Variants in SULF1 observed in about 807,000 individuals in gnomAD.
SULF1 encodes sulfatase 1, also known as extracellular sulfatase Sulf-1.
In SULF1, 46 loss-of-function variants were observed where a neutral mutation model predicts 110.5. The ratio of observed to expected loss-of-function variants is 0.42; its 90% confidence interval spans 0.33 to 0.53. The LOEUF (loss-of-function observed/expected upper bound fraction) is 0.53, where lower values mean the gene tolerates loss of function less well. Among genes scored for constraint, SULF1 ranks in the 20% least tolerant of loss-of-function variants. SULF1 has a pLI of 0.12. For missense variants in SULF1, 941 were observed against 1,094.2 expected (o/e 0.86, Z 1.98); for synonymous variants, 371 against 387.1 (o/e 0.96, Z 0.49).
intron 3 of SULF1, among the ~76,000 whole-genome samples, chr8:69,546,908 A>AC (rs1352075709): frequency 3.3e-5 from 5 of 152,356 alleles, no homozygotes; most frequent in African/African-American, 1.2e-4. Context: ...AGTAAACCTG[A>AC]AACCAATATT....
intron 3 of SULF1, among the ~76,000 whole-genome samples, chr8:69,520,600 A>G (rs940991113): frequency 1.3e-5 from 2 of 152,224 alleles, no homozygotes; most frequent in Non-Finnish European, 2.9e-5. Flanking sequence ...ATTTAAGTTC[A>G]TGGTCCCAAA....
chr8:69,656,510 C>A (rs1003747802), intron 22 of SULF1, among the ~76,000 whole-genome samples: 3 of 152,150 alleles, frequency 2.0e-5, no homozygotes, highest in African/African-American at 7.2e-5. Context: ...TTAGATAGTT[C>A]CCCTTCCTGT....
At chr8:69,519,399 A>G (rs1406366837) in intron 3 of SULF1, among the ~76,000 whole-genome samples, 4 of 152,210 alleles carry the variant, frequency 2.6e-5, no homozygotes, top group Non-Finnish European at 5.9e-5. Context: ...AGTAATTTAC[A>G]TGAATATCTA....
At chr8:69,640,162 AAAAAGAAAGAAAGAAAGAG>A (rs1400346072) in intron 21 of SULF1, among the ~76,000 whole-genome samples, 1 of 151,620 alleles carries the variant, frequency 6.6e-6, no homozygotes, top group Non-Finnish European at 1.5e-5. Context: ...AAAGAAAGAA[AAAAAGAAAGAAAGAAAGAG>A]AAAAGAAAGA....
intron 22 of SULF1, among the ~76,000 whole-genome samples, chr8:69,652,136 G>A (rs55756488): frequency 6.6e-6 from 1 of 151,366 alleles, no homozygotes; most frequent in East Asian, 1.9e-4. Flanking sequence ...GTCACATCTC[G>A]TTCTCTACCC....
At chr8:69,573,636 C>G (rs1805398637) in intron 5 of SULF1, among the ~76,000 whole-genome samples, 2 of 152,184 alleles carry the variant, frequency 1.3e-5, no homozygotes, top group South Asian at 4.1e-4. Flanking sequence ...TAACTAACTA[C>G]TGCAGAGATC....
At chr8:69,560,339 CT>C (rs5892203) in intron 3 of SULF1, among the ~76,000 whole-genome samples, 40 of 149,034 alleles carry the variant, frequency 2.7e-4, no homozygotes, top group Non-Finnish European at 2.5e-4. Context: ...TCCTGCCAGT[CT>C]TTTTTTTTTT....
At chr8:69,511,342 C>T (rs1015591075) in intron 3 of SULF1, among the ~76,000 whole-genome samples, 2 of 152,078 alleles carry the variant, frequency 1.3e-5, no homozygotes, top group Non-Finnish European at 2.9e-5. Flanking sequence ...TTGACAAATA[C>T]TAATAAATAA....
intron 5 of SULF1, among the ~76,000 whole-genome samples, chr8:69,571,086 G>T: frequency 6.6e-6 from 1 of 152,226 alleles, no homozygotes; most frequent in East Asian, 1.9e-4. Context: ...GGGAAGAATT[G>T]ATATTTGTAT....
chr8:69,487,521 A>T (rs1700684306), intron 1 of SULF1, among the ~76,000 whole-genome samples: 2 of 152,330 alleles, frequency 1.3e-5, no homozygotes, highest in Admixed American at 1.3e-4. Context: ...TTTAATGAGG[A>T]CTATTTGTTG....
chr8:69,602,563 T>G (rs1330504564), intron 10 of SULF1, among the ~76,000 whole-genome samples: 1 of 152,192 alleles, frequency 6.6e-6, no homozygotes, highest in Non-Finnish European at 1.5e-5. Context: ...AGTGCCCCTC[T>G]CAGATCCCTG....
intron 1 of SULF1, among the ~76,000 whole-genome samples, chr8:69,469,820 T>A (rs910948932): frequency 6.6e-6 from 1 of 152,194 alleles, no homozygotes. Context: ...GGCGGGTGGA[T>A]CACCTGAGAT....
chr8:69,603,786 A>C (rs1312919565), intron 12 of SULF1, 130 bp downstream of exon 12: 1 of 698,802 alleles, frequency 1.4e-6, no homozygotes, highest in African/African-American at 1.8e-5. Context: ...ACAAGATTGA[A>C]TGGTTTGCTG....
At chr8:69,506,764 T>C (rs1811226170) in intron 3 of SULF1, among the ~76,000 whole-genome samples, 1 of 152,026 alleles carries the variant, frequency 6.6e-6, no homozygotes, top group Admixed American at 6.6e-5. Context: ...AAGAGAAAAA[T>C]AGCTCTTCCC....
rs1176895675 is a variant in SULF1 at position 69,658,889 on chromosome 8, C to T, written c.*354C>T. The T allele has an allele frequency of 2.0e-6, 1 of 498,010 alleles. No individual in the cohort carries two copies. Among genetic ancestry groups the T allele is most frequent in the Non-Finnish European group, 3.9e-6 (1 of 254,138 alleles). 30.8% of individuals were successfully genotyped at this position (498,010 alleles called of 1,614,324 possible). On this transcript the variant is annotated 3_prime_UTR_variant, in exon 23 of 23. Transcript: ENST00000402687. ...CAAACCCTGCATTTGAACCGACCAA[C>T]ATTAAGTCCAGAGAGTAAACTTGAA...
In SULF1 at chr8:69,554,746, G is replaced by A. The variant is rs143154146; in HGVS notation, c.-133-8793G>A. On this transcript the variant is annotated intron_variant, in intron 3 of 22. Coordinates refer to ENST00000402687, the MANE Select transcript of SULF1 (RefSeq NM_001128205.2). ...TGTAATCCTAGCACTTTGGGAGGCC[G>A]AGGCAGGAGGATCATGAGGTCAGTA... Among the ~76,000 whole-genome samples, 1,081 of 152,016 alleles carry A rather than the reference G, an allele frequency of 7.1e-3. 10 individuals carry two copies. The highest frequency in any genetic ancestry group is 0.023 in the African/African-American group (969 of 41,470).
In SULF1 at chr8:69,615,145, C is replaced by T. The variant is rs1235815128; in HGVS notation, c.1378-5890C>T. 3.3e-5 allele frequency among the ~76,000 whole-genome samples: 5 copies of T among 152,304 alleles called. No homozygotes were observed. In the South Asian group the frequency reaches 6.2e-4, roughly 19 times the overall value. On this transcript the variant is annotated intron_variant, in intron 13 of 22. Coordinates refer to ENST00000402687, the MANE Select transcript of SULF1 (RefSeq NM_001128205.2). ...ACTCCACACATCCCATTAGCAGGTG[C>T]CTCACCTGAGCTCAGGCTTTCATCT... is the stretch of plus-strand genomic sequence containing the variant.
intron 9 of SULF1, 73 bp from the exon 10 acceptor site, chr8:69,601,581 T>A (rs905439841): frequency 7.7e-7 from 1 of 1,292,120 alleles, no homozygotes; most frequent in South Asian, 1.9e-5. Flanking sequence ...TTGGGGGCAA[T>A]CGTGGCAACA....
In SULF1 at chr8:69,589,147, TA is replaced by T; in HGVS notation, c.734+8del. 1 of 1,611,422 alleles carries T rather than the reference TA, an allele frequency of 6.2e-7. No homozygotes were observed. Among genetic ancestry groups the T allele is most frequent in the South Asian group, 1.1e-5 (1 of 90,942 alleles). On this transcript the variant is annotated splice_region_variant and intron_variant, in intron 8 of 22. Transcript: ENST00000402687. ...CCCAATGCTTCCCAACACATGTAAG[TA>T]ACAAACTCAACTCTGCGACCTGCCG...
Sources: gnomAD v4.1 joint callset for allele counts (sites outside exome capture counted in the v4.1 genomes callset) on GRCh38, gnomAD v4.1.1 for gene constraint, MANE v1.5 for transcripts, NCBI Gene and HGNC (gene_info 2026-07-23, HGNC 2026-07-21) for gene names.